KIF11: variants seen among roughly 807,000 people sequenced by gnomAD.
KIF11 encodes the protein kinesin family member 11.
A neutral mutation model predicts 121.0 loss-of-function variants in KIF11; 9 were observed. The ratio of observed to expected loss-of-function variants is 0.07; its 90% CI spans 0.04 to 0.13. The LOEUF is 0.13. KIF11 is among the 10% of genes least tolerant of loss of function. KIF11 has a pLI of 1.00. For synonymous variants in KIF11, 408 were observed against 421.0 expected (o/e 0.97, Z 0.38); for missense variants, 846 against 1,217.5 (o/e 0.69, Z 4.54).
In KIF11 at chr10:92,606,636, T is replaced by G. The variant is rs891118071; in HGVS notation, c.228T>G (p.Thr76=). 3.2e-6 allele frequency: 5 copies of G among 1,577,596 alleles called. No homozygotes were observed. Among genetic ancestry groups the G allele is most frequent in the Non-Finnish European group, 4.4e-6 (5 of 1,147,930 alleles). The change falls in exon 3 of 22, where the codon ACT becomes ACG. Residue 76 remains threonine (T), a synonymous_variant. Transcript: ENST00000260731. Reference sequence around the variant, plus strand: ...TTCGTTAGGTGTTTGGAGCATCTACTAAACAGATTGATGTTTACCGAAGTG... The same window carrying G: ...TTCGTTAGGTGTTTGGAGCATCTACGAAACAGATTGATGTTTACCGAAGTG... ...YTFDMVFGAS[T]KQIDVYRSVV... is the part of the protein sequence containing the mutation.
chr10:92,634,184 C>T (rs1270980599), intron 14 of KIF11, among the ~76,000 whole-genome samples: 4 of 152,052 alleles, frequency 2.6e-5, no homozygotes, highest in South Asian at 2.1e-4. Context: ...GGGGTTTCAC[C>T]GTGTTAGCCA....
chr10:92,624,228 CT>C (rs201871020), intron 10 of KIF11, among the ~76,000 whole-genome samples: 14,902 of 99,690 alleles, frequency 0.15, 637 homozygotes, highest in Non-Finnish European at 0.17. Context: ...TGATCTCATT[CT>C]TTTTTTTTTT....
intron 1 of KIF11, among the ~76,000 whole-genome samples, chr10:92,605,309 C>T (rs144345947): frequency 2.0e-5 from 3 of 152,230 alleles, no homozygotes; most frequent in East Asian, 1.9e-4. Flanking sequence ...ACTGAGTGAG[C>T]ACAATGCAAA....
In KIF11 at chr10:92,613,656, T is replaced by G; in HGVS notation, c.1032+37T>G. ...GAAAGGAAGCTGCAAGTGTAGTAGC[T>G]GTAATTCTTATTTGGCTATTATATA... is the stretch of plus-strand genomic sequence containing the variant. On this transcript the variant is annotated intron_variant, in intron 8 of 21. Transcript: ENST00000260731. The surrounding 1 kb of genome is among the most constrained non-coding windows in gnomAD (Gnocchi z 4.2). 6.4e-7 allele frequency: 1 copy of G among 1,564,032 alleles called. No homozygotes were observed. Among genetic ancestry groups the G allele is most frequent in the Non-Finnish European group, 8.7e-7 (1 of 1,155,358 alleles).
chr10:92,628,865 A>G lies in KIF11; in HGVS notation c.1275A>G (p.Lys425=), dbSNP rs1844704841. Residue 425 remains lysine, a synonymous_variant, in exon 11 of 22, where the codon AAA becomes AAG. Transcript: ENST00000260731. ...AGCAGATTGTAGAATTGATTGAAAA[A>G]ATTGGTGCTGTTGAGGAGGAGCTGA... ...QEEQIVELIE[K]IGAVEEELNR... 1.2e-6 allele frequency: 2 copies of G among 1,603,450 alleles called. No homozygotes were observed. Among genetic ancestry groups the G allele is most frequent in the Admixed American group, 1.7e-5 (1 of 59,842 alleles).
At chr10:92,610,782 A>G (rs1159173076) in intron 6 of KIF11, among the ~76,000 whole-genome samples, 1 of 152,198 alleles carries the variant, frequency 6.6e-6, no homozygotes, top group Non-Finnish European at 1.5e-5. Context: ...TTACAGTTGC[A>G]ACTCTAAAAA....
rs1844439680 is a variant in KIF11, at chr10:92,607,173, G to T, written c.323G>T (p.Gly108Val). 6.2e-7 allele frequency: 1 copy of T among 1,605,686 alleles called. No individual in the cohort carries two copies. Among genetic ancestry groups the T allele is most frequent in the Non-Finnish European group, 8.5e-7 (1 of 1,172,856 alleles). ...AATCTTTACAGGTATGGCCAAACTG[G>T]CACTGGAAAAACTTTTACAATGGAA... ...NCTIFAYGQTGTGKTFTMEGE... is the reference protein window; with the variant it reads ...NCTIFAYGQTVTGKTFTMEGE... Residue 108 changes from glycine (G) to valine (V), a missense_variant, in exon 4 of 22, where the codon GGC becomes GTC. By Grantham distance (109) the Gly-to-Val change is moderately radical. Around this residue, in one of 5 missense-constraint regions of KIF11, gnomAD observed 140 missense variants for 193.5 expected, o/e 0.72. Transcript: ENST00000260731.
chr10:92,633,474 C>A (rs376969970), intron 13 of KIF11, 149 bp from the exon 14 acceptor site: 2 of 590,402 alleles, frequency 3.4e-6, no homozygotes, highest in East Asian at 3.0e-5. Context: ...TTAAATATTT[C>A]CTTGCTTTGT....
intron 4 of KIF11, among the ~76,000 whole-genome samples, chr10:92,607,626 T>G (rs1249287701): frequency 6.6e-6 from 1 of 152,154 alleles, no homozygotes; most frequent in African/African-American, 2.4e-5. Flanking sequence ...ATGATGATCC[T>G]AAGTGTTCAA....
Position 92,637,969 on chromosome 10 carries a change from T to TAA in KIF11, c.2160+424_2160+425insAA, listed in dbSNP as rs1280173877. Reference sequence around the variant, plus strand: ...CTTATTTCTGTCTCACTGATAGACATTTAAAACATAGTAAATCGATACAAC... The same window carrying TAA: ...CTTATTTCTGTCTCACTGATAGACATAATTAAAACATAGTAAATCGATACAAC... On this transcript the variant is annotated intron_variant, in intron 16 of 21. Coordinates refer to ENST00000260731, the MANE Select transcript of KIF11 (RefSeq NM_004523.4). Among the ~76,000 whole-genome samples, 4 of 152,322 alleles carry TAA rather than the reference T, an allele frequency of 2.6e-5. No individual in the cohort carries two copies. In the East Asian group the frequency reaches 7.7e-4, roughly 29 times the overall value.
At chr10:92,594,428 AGTT>A (rs1488339420) in intron 1 of KIF11, among the ~76,000 whole-genome samples, 12 of 152,322 alleles carry the variant, frequency 7.9e-5, no homozygotes, top group East Asian at 7.7e-4. Flanking sequence ...GACACTTACT[AGTT>A]GTTGTACTCT....
chr10:92,599,270 A>G (rs1356353266), intron 1 of KIF11, among the ~76,000 whole-genome samples: 1 of 152,098 alleles, frequency 6.6e-6, no homozygotes, highest in South Asian at 2.1e-4. Context: ...TTATCCCAGC[A>G]CTTTGGGAGG....
At chr10:92,606,446 T>G (rs1844431821) in intron 2 of KIF11, 49 bp downstream of exon 2, 1 of 1,452,548 alleles carries the variant, frequency 6.9e-7, no homozygotes, top group Admixed American at 2.2e-5. Context: ...AAAATAATTT[T>G]AATATACATA....
At position 92,621,596 on chromosome 10, in the gene KIF11, T is replaced by TTGTGTGTGTGTGTGTGTGTGTGTGTGTG. The variant is rs374159901; in HGVS notation, c.1217+138_1217+139insGTGTGTGTGTGTGTGTGTGTGTGTGTGT. 8.9e-4 allele frequency: 531 copies of TTGTGTGTGTGTGTGTGTGTGTGTGTGTG among 596,082 alleles called. 2 individuals carry two copies. The highest frequency in any genetic ancestry group is 7.9e-3 in the African/African-American group (402 of 51,076). 36.9% of individuals were successfully genotyped at this position (596,082 alleles called of 1,614,324 possible). On this transcript the variant is annotated intron_variant, in intron 10 of 21. Coordinates refer to ENST00000260731, the MANE Select transcript of KIF11 (RefSeq NM_004523.4). The stretch of plus-strand genomic sequence containing the variant: ...ATCCAGTGCCGATAAATACTTCATT[T>TTGTGTGTGTGTGTGTGTGTGTGTGTGTG]TGTGTGTGTGTGTGTTTTCTTTTGA...
At chr10:92,629,864 G>A (rs1336623900) in intron 11 of KIF11, among the ~76,000 whole-genome samples, 3 of 152,118 alleles carry the variant, frequency 2.0e-5, no homozygotes, top group Non-Finnish European at 4.4e-5. Flanking sequence ...GTGATCTCCT[G>A]CCTTGGCCTC....
In KIF11 at chr10:92,606,637, A is replaced by G. The variant is rs1190530592; in HGVS notation, c.229A>G (p.Lys77Glu). 3.2e-6 allele frequency: 5 copies of G among 1,587,160 alleles called. No homozygotes were observed. The highest frequency in any genetic ancestry group is 3.4e-5 in the Admixed American group (2 of 59,518). ...TFDMVFGAST[K>E]QIDVYRSVVC... The stretch of plus-strand genomic sequence containing the variant: ...TCGTTAGGTGTTTGGAGCATCTACT[A>G]AACAGATTGATGTTTACCGAAGTGT... The change falls in exon 3 of 22, where the codon AAA (lysine) becomes GAA (glutamate). Residue 77 changes from lysine to glutamate, a missense_variant. Transcript: ENST00000260731.
At chr10:92,652,401 A>C (rs11187117) in intron 21 of KIF11, among the ~76,000 whole-genome samples, 44,609 of 151,920 alleles carry the variant, frequency 0.29, 7,861 homozygotes, top group East Asian at 0.67. Flanking sequence ...CGGCCTCCCA[A>C]AGTGCTGGGA....
Position 92,593,159 on chromosome 10 carries a change from T to G in KIF11, c.-217T>G. On this transcript the variant is annotated 5_prime_UTR_variant, in exon 1 of 22. Transcript: ENST00000260731. ...TCTGGGGATTCGGGCGGAGACGAGA[T>G]TAGTGATTTGGCGGCTCCGACTGGC... 1.9e-6 allele frequency: 1 copy of G among 527,674 alleles called. No individual in the cohort carries two copies. The highest frequency in any genetic ancestry group is 3.2e-5 in the East Asian group (1 of 31,510). The allele number at this position is 527,674 out of a possible 1,614,324, so 32.7% of individuals were successfully genotyped here.
chr10:92,621,325 C>A, intron 9 of KIF11, 60 bp from the exon 10 acceptor site: 1 of 939,988 alleles, frequency 1.1e-6, no homozygotes, highest in Non-Finnish European at 1.7e-6. Flanking sequence ...TGTTGCATGT[C>A]CTTCCCAAAC....
Sources: allele counts gnomAD v4.1 joint callset (sites outside exome capture counted in the v4.1 genomes callset), GRCh38; gene constraint gnomAD v4.1.1; regional missense constraint gnomAD v4.1.1; non-coding constraint Gnocchi (gnomAD v3.1); transcripts MANE v1.5; gene names NCBI Gene and HGNC (gene_info 2026-07-23, HGNC 2026-07-21).